The following PACRGL variants were observed in gnomAD, a reference collection of about 807,000 sequenced individuals.
PACRGL encodes parkin coregulated like.
A neutral mutation model predicts 34.5 loss-of-function variants in PACRGL; 38 were observed. The observed-to-expected ratio is 1.10, with a 90% CI of 0.85 to 1.44. The LOEUF (loss-of-function observed/expected upper bound fraction) is 1.44. Ranked by LOEUF, PACRGL falls within the 40% of genes most tolerant of loss-of-function variation. The pLI, the probability that PACRGL is intolerant of heterozygous loss-of-function variation, is 0.00. For synonymous variants in PACRGL, 128 were observed against 100.1 expected (o/e 1.28, Z -1.66); for missense variants, 305 against 281.4 (o/e 1.08, Z -0.60).
chr4:20,711,085 A>T (rs1392472387), intron 5 of PACRGL, among the ~76,000 whole-genome samples: 4 of 151,104 alleles, frequency 2.6e-5, no homozygotes, highest in Non-Finnish European at 4.4e-5. Context: ...GCTATCTCAA[A>T]CACACACACA....
At chr4:20,707,504 C>A (rs1006755955) in intron 3 of PACRGL, among the ~76,000 whole-genome samples, 1 of 152,302 alleles carries the variant, frequency 6.6e-6, no homozygotes, top group African/African-American at 2.4e-5. Context: ...TACTTAACAC[C>A]CCTTCTCCAT....
chr4:20,765,091 G>A, the PACRGL span, among the ~76,000 whole-genome samples: 1 of 152,164 alleles, frequency 6.6e-6, no homozygotes, highest in Admixed American at 6.5e-5. Context: ...GTTATTTAAT[G>A]CCTTCTAAGT....
At chr4:20,712,746 T>C in intron 5 of PACRGL, 42 bp from the exon 6 acceptor site, 1 of 1,379,164 alleles carries the variant, frequency 7.3e-7, no homozygotes. Context: ...ATTAGCATAA[T>C]GAAATGGGTA....
At chr4:20,752,892 A>C (rs1753892190), downstream of PACRGL, 1 of 152,208 alleles carries the variant, frequency 6.6e-6, no homozygotes, top group Admixed American at 6.5e-5. Flanking sequence ...ATATTTGTTA[A>C]AAGAGTGATT....
rs984812920 is a variant in PACRGL, at chr4:20,700,726, C to T, written c.-78C>T. 5.9e-5 allele frequency: 9 copies of T among 152,136 alleles called. No individual in the cohort carries two copies. The highest frequency in any genetic ancestry group is 1.9e-4 in the African/African-American group (8 of 41,432). The allele number at this position is 152,136 out of a possible 1,614,324, so 9.4% of individuals were successfully genotyped here. On this transcript the variant is annotated 5_prime_UTR_variant, in exon 1 of 9. Coordinates refer to ENST00000503585, the MANE Select transcript of PACRGL (RefSeq NM_001258345.3). ...GAGATCGTGAGCGCTTGGAGTGTACCCCTCCTTTCCTGGGGTAGAGGGTCA... is the reference window on the plus strand; with the variant it reads ...GAGATCGTGAGCGCTTGGAGTGTACTCCTCCTTTCCTGGGGTAGAGGGTCA...
chr4:20,744,233 AT>A (rs1425934500), intron 8 of PACRGL, among the ~76,000 whole-genome samples: 2 of 152,194 alleles, frequency 1.3e-5, no homozygotes, highest in African/African-American at 4.8e-5. Context: ...TAGAAATACC[AT>A]TTGACCCAGC....
intron 7 of PACRGL, chr4:20,716,096 A>G (rs1363938389): frequency 3.9e-6 from 6 of 1,521,078 alleles, no homozygotes; most frequent in South Asian, 2.5e-5. Context: ...TTTAATATAA[A>G]TATTTACTAG....
At chr4:20,704,405 T>C (rs1415300337) in intron 1 of PACRGL, 61 bp from the exon 2 acceptor site, 3 of 1,495,614 alleles carry the variant, frequency 2.0e-6, no homozygotes, top group Non-Finnish European at 1.8e-6. Flanking sequence ...TGTCTTTTTA[T>C]TGATAACAAA....
chr4:20,727,202 TC>T (rs1159752106), intron 8 of PACRGL, 82 bp from the exon 9 acceptor site: 17 of 1,240,106 alleles, frequency 1.4e-5, no homozygotes, highest in Non-Finnish European at 3.5e-6. Flanking sequence ...TTAGATACTT[TC>T]TAGGCATATT....
At chr4:20,747,513 T>C (rs1353685121) in intron 8 of PACRGL, among the ~76,000 whole-genome samples, 1 of 152,114 alleles carries the variant, frequency 6.6e-6, no homozygotes, top group African/African-American at 2.4e-5. Context: ...AAAAGAAACA[T>C]TGTGGAGACT....
At chr4:20,723,756 C>G (rs1406582501) in intron 7 of PACRGL, among the ~76,000 whole-genome samples, 1 of 152,044 alleles carries the variant, frequency 6.6e-6, no homozygotes, top group Admixed American at 6.5e-5. Context: ...GAACGGGTAT[C>G]TAGCTTTCCT....
At chr4:20,713,408 T>A in intron 6 of PACRGL, 24 bp from the exon 7 acceptor site, 1 of 1,571,784 alleles carries the variant, frequency 6.4e-7, no homozygotes, top group East Asian at 2.2e-5. Flanking sequence ...TGTCCATACA[T>A]CCCCCAACTA....
downstream of PACRGL, among the ~76,000 whole-genome samples, chr4:20,754,101 T>C (rs1347614155): frequency 1.3e-5 from 2 of 152,198 alleles, no homozygotes; most frequent in Non-Finnish European, 2.9e-5. Context: ...TAAGAAGTTT[T>C]TGTGTAACCA....
intron 7 of PACRGL, among the ~76,000 whole-genome samples, chr4:20,717,173 T>C (rs1383407365): frequency 1.3e-5 from 2 of 152,180 alleles, no homozygotes; most frequent in Admixed American, 6.5e-5. Flanking sequence ...CACTTTTTGA[T>C]GGGGTTGTTT....
rs554009549 is a variant in PACRGL, at chr4:20,750,236, TGAA to T, written c.*57-2324_*57-2322del. ...GAAAAACATACCCAAAGTCACACAG[TGAA>T]GAAGGAGTAAATCTGGGACATGAAC... On this transcript the variant is annotated intron_variant, in intron 8 of 8. Coordinates refer to the PACRGL transcript ENST00000507634. 6.4e-4 allele frequency among the ~76,000 whole-genome samples: 97 copies of T among 152,238 alleles called. 1 individual carries two copies. Among genetic ancestry groups the T allele is most frequent in the Middle Eastern group, 6.8e-3 (2 of 294 alleles).
At chr4:20,758,699 G>A in the PACRGL span, 2 of 744,282 alleles carry the variant, frequency 2.7e-6, no homozygotes, top group South Asian at 3.6e-5. Flanking sequence ...CTTGCATGCT[G>A]TGCATTAATT....
intron 5 of PACRGL, among the ~76,000 whole-genome samples, chr4:20,710,314 A>G (rs1736572475): frequency 6.6e-6 from 1 of 152,156 alleles, no homozygotes; most frequent in Admixed American, 6.5e-5. Context: ...CCTTTATATA[A>G]TTTAACATTT....
downstream of PACRGL, among the ~76,000 whole-genome samples, chr4:20,757,286 C>T (rs1754559237): frequency 6.6e-6 from 1 of 152,214 alleles, no homozygotes; most frequent in South Asian, 2.1e-4. Flanking sequence ...TATTTAAAGA[C>T]CTTATTGTTT....
At chr4:20,741,363 C>T (rs144035373) in intron 8 of PACRGL, among the ~76,000 whole-genome samples, 101 of 152,320 alleles carry the variant, frequency 6.6e-4, no homozygotes, top group African/African-American at 1.9e-3. Context: ...GAAATTATAA[C>T]AAACTGTCTC....
Sources: gnomAD v4.1 joint callset for allele counts (sites outside exome capture counted in the v4.1 genomes callset) on GRCh38, gnomAD v4.1.1 for gene constraint, MANE v1.5 for transcripts, NCBI Gene and HGNC (gene_info 2026-07-23, HGNC 2026-07-21) for gene names.